The following NEGR1 variants were observed in gnomAD, a reference collection of about 807,000 sequenced individuals.
NEGR1 encodes the protein neuronal growth regulator 1.
A neutral mutation model predicts 40.9 loss-of-function variants in NEGR1; 10 were observed. The ratio of observed to expected loss-of-function variants is 0.24; its 90% CI spans 0.15 to 0.42. The LOEUF is 0.42. Among genes scored for constraint, NEGR1 ranks in the 10% least tolerant of loss-of-function variants. The probability of loss-of-function intolerance (pLI) is 1.00; values close to 1 mark genes in which losing one functional copy is unlikely to be tolerated. For missense variants in NEGR1, 352 were observed against 438.9 expected (o/e 0.80, Z 1.77); for synonymous variants, 185 against 166.8 (o/e 1.11, Z -0.84).
intron 1 of NEGR1, among the ~76,000 whole-genome samples, chr1:72,125,907 G>A (rs1240954804): frequency 6.6e-6 from 1 of 152,138 alleles, no homozygotes; most frequent in African/African-American, 2.4e-5. Context: ...GAAGCCAGGT[G>A]TCCAGACTCT....
At chr1:72,221,826 C>A (rs1654022348) in intron 1 of NEGR1, among the ~76,000 whole-genome samples, 1 of 152,130 alleles carries the variant, frequency 6.6e-6, no homozygotes, top group African/African-American at 2.4e-5. Context: ...GTTTTTAAAT[C>A]ATAGCCACAG....
intron 2 of NEGR1, among the ~76,000 whole-genome samples, chr1:71,900,218 G>C (rs626185): frequency 0.22 from 33,472 of 152,070 alleles, 4,360 homozygotes; most frequent in East Asian, 0.5. Context: ...CTATAGTGGA[G>C]TTAGGCCAAT....
At chr1:71,846,949 A>C (rs1659438483) in intron 2 of NEGR1, among the ~76,000 whole-genome samples, 1 of 152,204 alleles carries the variant, frequency 6.6e-6, no homozygotes, top group South Asian at 2.1e-4. Flanking sequence ...CTAGGGACAC[A>C]AATTTTCAGA....
At chr1:71,995,382 T>G (rs1344282584) in intron 1 of NEGR1, among the ~76,000 whole-genome samples, 1 of 152,038 alleles carries the variant, frequency 6.6e-6, no homozygotes, top group African/African-American at 2.4e-5. Flanking sequence ...ATACCATGAA[T>G]AACATTGCTA....
chr1:72,010,821 C>T (rs2100400936), intron 1 of NEGR1, among the ~76,000 whole-genome samples: 1 of 152,192 alleles, frequency 6.6e-6, no homozygotes, highest in South Asian at 2.1e-4. Context: ...CTTCTTTAAG[C>T]ACAAGACGTC....
chr1:71,525,625 T>C (rs1647207743), intron 6 of NEGR1, among the ~76,000 whole-genome samples: 1 of 151,630 alleles, frequency 6.6e-6, no homozygotes, highest in South Asian at 2.1e-4. Flanking sequence ...AACAAAAAAC[T>C]TGTTTCCTGT....
At chr1:71,655,151 G>C (rs983419449) in intron 4 of NEGR1, among the ~76,000 whole-genome samples, 1 of 152,114 alleles carries the variant, frequency 6.6e-6, no homozygotes, top group African/African-American at 2.4e-5. Context: ...AGATTTTATT[G>C]AGTATCTTTA....
At chr1:72,106,386 A>C (rs1206042772) in intron 1 of NEGR1, among the ~76,000 whole-genome samples, 1 of 152,056 alleles carries the variant, frequency 6.6e-6, no homozygotes. Flanking sequence ...TGAAAATTTC[A>C]CTGTCCACTT....
At chr1:71,527,057 AT>A (rs1435823011) in intron 6 of NEGR1, among the ~76,000 whole-genome samples, 4 of 151,572 alleles carry the variant, frequency 2.6e-5, no homozygotes, top group African/African-American at 4.8e-5. Context: ...CTTTTATGAT[AT>A]TTTTAAAGCC....
chr1:72,195,165 CATT>C (rs34597496), intron 1 of NEGR1, among the ~76,000 whole-genome samples: 3,154 of 152,010 alleles, frequency 0.021, 50 homozygotes, highest in African/African-American at 0.032. Context: ...GAAGGACGTT[CATT>C]ATTATAATAT....
chr1:71,571,049 A>G (rs1379002648), intron 6 of NEGR1: 1 of 152,220 alleles, frequency 6.6e-6, no homozygotes, highest in East Asian at 1.9e-4. Context: ...AAGAAAGTAA[A>G]AGCAAGTTTT....
At chr1:71,913,478 A>G (rs146092540) in intron 2 of NEGR1, among the ~76,000 whole-genome samples, 1 of 152,310 alleles carries the variant, frequency 6.6e-6, no homozygotes, top group East Asian at 1.9e-4. Context: ...CAAGAAAAGA[A>G]GCCTGCATAA....
chr1:71,746,610 C>T (rs1216639249), intron 3 of NEGR1, among the ~76,000 whole-genome samples: 4 of 151,800 alleles, frequency 2.6e-5, no homozygotes, highest in African/African-American at 9.7e-5. Flanking sequence ...TCCAGCATCA[C>T]AGCTAAATCC....
intron 1 of NEGR1, among the ~76,000 whole-genome samples, chr1:72,156,761 C>G (rs573488273): frequency 1.3e-5 from 2 of 152,230 alleles, no homozygotes; most frequent in East Asian, 3.9e-4. Context: ...CACACAAATA[C>G]ATAAATAAAT....
chr1:71,843,630 TG>T (rs1248691866), intron 2 of NEGR1, among the ~76,000 whole-genome samples: 7 of 152,090 alleles, frequency 4.6e-5, no homozygotes, highest in Admixed American at 3.9e-4. Context: ...TGATAACAAT[TG>T]GGGTAGTAAA....
intron 3 of NEGR1, among the ~76,000 whole-genome samples, chr1:71,709,899 A>G (rs939063691): frequency 2.0e-5 from 3 of 152,200 alleles, no homozygotes; most frequent in Non-Finnish European, 4.4e-5. Flanking sequence ...CTTCTGCACA[A>G]CAAAGGATAC....
Position 72,006,324 on chromosome 1 carries a change from G to C in NEGR1, c.177-71013C>G, listed in dbSNP as rs560683767. On this transcript the variant is annotated intron_variant, in intron 1 of 6. Transcript: ENST00000357731. ...GGAGTTCTGAGAGTAAATAAGCCTA[G>C]GATAGAAAAGGCCTTCTGGACCACG... Among the ~76,000 whole-genome samples, 7 of 152,200 alleles carry C rather than the reference G, an allele frequency of 4.6e-5. No individual in the cohort carries two copies. The South Asian group carries it at 1.2e-3, about 27-fold the overall frequency.
At chr1:72,030,539 TA>T (rs1646848793) in intron 1 of NEGR1, among the ~76,000 whole-genome samples, 1 of 152,156 alleles carries the variant, frequency 6.6e-6, no homozygotes, top group Non-Finnish European at 1.5e-5. Context: ...TATAATAATA[TA>T]TGTGTGATTA....
At chr1:71,763,746 A>AGTGTGTGT (rs55890627) in intron 3 of NEGR1, among the ~76,000 whole-genome samples, 77 of 150,088 alleles carry the variant, frequency 5.1e-4, no homozygotes, top group African/African-American at 1.8e-3. Context: ...CATATTTAGG[A>AGTGTGTGT]GTGTGTGTGT....
Sources: gnomAD v4.1 joint callset for allele counts (sites outside exome capture counted in the v4.1 genomes callset) on GRCh38, gnomAD v4.1.1 for gene constraint, MANE v1.5 for transcripts, NCBI Gene and HGNC (gene_info 2026-07-23, HGNC 2026-07-21) for gene names.